SOX5: variants seen among roughly 807,000 people sequenced by gnomAD.
The protein encoded by SOX5 is SRY-box transcription factor 5.
A neutral mutation model predicts 92.0 loss-of-function variants in SOX5; 9 were observed. The observed-to-expected ratio is 0.10, with a 90% CI of 0.06 to 0.17. The LOEUF is 0.17. SOX5 is among the 10% of genes least tolerant of loss of function. SOX5 has a pLI of 1.00. For synonymous variants in SOX5, 344 were observed against 336.3 expected (o/e 1.02, Z -0.25); for missense variants, 642 against 944.5 (o/e 0.68, Z 4.20).
chr12:23,926,193 G>T (rs1023711124), intron 1 of SOX5, among the ~76,000 whole-genome samples: 3 of 152,018 alleles, frequency 2.0e-5, no homozygotes, highest in Non-Finnish European at 4.4e-5. Flanking sequence ...TCTTTAAATA[G>T]GTATTTTCAA....
intron 4 of SOX5, among the ~76,000 whole-genome samples, chr12:23,988,971 C>T (rs182537484): frequency 2.0e-5 from 3 of 152,126 alleles, no homozygotes; most frequent in Admixed American, 2.0e-4. Context: ...ATATGATGTG[C>T]CAGCCTTAAA....
intron 4 of SOX5, among the ~76,000 whole-genome samples, chr12:23,993,181 A>G (rs993680294): frequency 2.6e-5 from 4 of 152,184 alleles, no homozygotes. Context: ...TGTTCAGAAT[A>G]ATAAACATAT....
chr12:24,108,181 T>C (rs1305638273), intron 4 of SOX5, among the ~76,000 whole-genome samples: 1 of 152,220 alleles, frequency 6.6e-6, no homozygotes. Flanking sequence ...GTTTCAGTGA[T>C]CCAAGCTATA....
chr12:24,309,232 G>T (rs17500341), intron 2 of SOX5, among the ~76,000 whole-genome samples: 9,490 of 152,184 alleles, frequency 0.062, 402 homozygotes, highest in Non-Finnish European at 0.1. Context: ...AGCAGAGCCT[G>T]ATTATCAATT....
chr12:24,420,983 A>G (rs1316426747), intron 1 of SOX5, among the ~76,000 whole-genome samples: 4 of 151,310 alleles, frequency 2.6e-5, no homozygotes, highest in African/African-American at 9.7e-5. Flanking sequence ...TGGATTCTTT[A>G]GCAGATAAGT....
At chr12:23,551,508 C>T (rs963339292) in intron 11 of SOX5, among the ~76,000 whole-genome samples, 1 of 151,862 alleles carries the variant, frequency 6.6e-6, no homozygotes, top group African/African-American at 2.4e-5. Context: ...TGTGTGCACA[C>T]ACATACACAC....
At chr12:23,613,497 A>T (rs1458358757) in intron 8 of SOX5, among the ~76,000 whole-genome samples, 1 of 152,136 alleles carries the variant, frequency 6.6e-6, no homozygotes, top group African/African-American at 2.4e-5. Context: ...TAACCTGGTA[A>T]TTTTACTTTT....
chr12:24,030,235 C>A (rs763041963), intron 4 of SOX5, among the ~76,000 whole-genome samples: 1 of 151,756 alleles, frequency 6.6e-6, no homozygotes, highest in Non-Finnish European at 1.5e-5. Context: ...CCTCAAATAG[C>A]CAAATAAATC....
intron 3 of SOX5, among the ~76,000 whole-genome samples, chr12:23,839,828 TAAAA>T (rs34051233): frequency 1.4e-5 from 2 of 146,586 alleles, no homozygotes; most frequent in Non-Finnish European, 1.5e-5. Flanking sequence ...CTCAACTTGG[TAAAA>T]AAAAAAAAAA....
At chr12:24,428,636 G>A (rs1453517853) in intron 1 of SOX5, among the ~76,000 whole-genome samples, 2 of 146,556 alleles carry the variant, frequency 1.4e-5, no homozygotes, top group African/African-American at 5.0e-5. Flanking sequence ...AGGCATGGTG[G>A]CACATGCCTG....
intron 6 of SOX5, among the ~76,000 whole-genome samples, chr12:23,732,378 T>C (rs1195441384): frequency 6.6e-6 from 1 of 152,186 alleles, no homozygotes; most frequent in Non-Finnish European, 1.5e-5. Flanking sequence ...ATTGTTACTT[T>C]CATAACTATT....
At chr12:24,419,439 C>T (rs1229139589) in intron 1 of SOX5, among the ~76,000 whole-genome samples, 1 of 152,082 alleles carries the variant, frequency 6.6e-6, no homozygotes, top group African/African-American at 2.4e-5. Context: ...CATGCACAGC[C>T]GAGTAGGGGC....
chr12:24,369,103 C>T (rs1443788960), intron 1 of SOX5, among the ~76,000 whole-genome samples: 2 of 152,212 alleles, frequency 1.3e-5, no homozygotes, highest in African/African-American at 4.8e-5. Flanking sequence ...GCCTAGCATG[C>T]TGTCTGACAC....
At chr12:23,951,009 TCACG>T (rs1170938648), upstream of SOX5, 605 of 700,054 alleles carry the variant, frequency 8.6e-4, 2 homozygotes, top group Non-Finnish European at 1.3e-3. Flanking sequence ...ACACACTCAC[TCACG>T]CACGCTCTCC....
chr12:24,244,500 T>A (rs1045531366), intron 3 of SOX5, among the ~76,000 whole-genome samples: 2 of 151,934 alleles, frequency 1.3e-5, no homozygotes, highest in Non-Finnish European at 2.9e-5. Flanking sequence ...AGGAAAAAGG[T>A]GAATGGTTAA....
Position 23,784,985 on chromosome 12 carries a change from G to A in SOX5, c.482-29261C>T, listed in dbSNP as rs570304337. 2.0e-5 allele frequency among the ~76,000 whole-genome samples: 3 copies of A among 152,314 alleles called. No homozygotes were observed. The East Asian group carries it at 5.8e-4, about 29-fold the overall frequency. ...TAGTTCCAGCTACTTGATAAGCTGA[G>A]GTGGGAGGGCCACTTGAGCCTGGGA... On this transcript the variant is annotated intron_variant, in intron 3 of 14. Coordinates refer to ENST00000451604, the MANE Select transcript of SOX5 (RefSeq NM_006940.6).
intron 3 of SOX5, among the ~76,000 whole-genome samples, chr12:24,255,205 T>C (rs1432880567): frequency 6.6e-6 from 1 of 152,156 alleles, no homozygotes; most frequent in African/African-American, 2.4e-5. Flanking sequence ...AGATATACTG[T>C]ATATGTATAT....
chr12:23,653,162 C>A (rs1051295798), intron 7 of SOX5, among the ~76,000 whole-genome samples: 2 of 151,974 alleles, frequency 1.3e-5, no homozygotes, highest in Admixed American at 6.6e-5. Context: ...AAACATATTT[C>A]CCTGAATTGG....
chr12:24,496,675 C>CA (rs1461159102), intron 1 of SOX5, among the ~76,000 whole-genome samples: 2 of 152,300 alleles, frequency 1.3e-5, no homozygotes, highest in South Asian at 4.1e-4. Flanking sequence ...ACCACACCCT[C>CA]AATGGGCTCT....
Sources: allele counts gnomAD v4.1 joint callset (sites outside exome capture counted in the v4.1 genomes callset), GRCh38; gene constraint gnomAD v4.1.1; transcripts MANE v1.5; gene names NCBI Gene and HGNC (gene_info 2026-07-23, HGNC 2026-07-21).